Variants in ZNG1A observed in about 807,000 individuals in gnomAD.
The protein encoded by ZNG1A is zinc-regulated GTPase metalloprotein activator 1A.
the ZNG1A span, chr9:162,515 ATT>A: frequency 6.3e-7 from 1 of 1,575,878 alleles, no homozygotes. Flanking sequence ...AAGAATGTTT[ATT>A]AATATTTGTA....
the ZNG1A span, among the ~76,000 whole-genome samples, chr9:126,460 C>A: frequency 6.6e-6 from 1 of 151,238 alleles, no homozygotes; most frequent in South Asian, 2.1e-4. Flanking sequence ...CCAGGAATTT[C>A]TCCATCTATT....
At chr9:140,916 C>T in the ZNG1A span, among the ~76,000 whole-genome samples, 43 of 138,602 alleles carry the variant, frequency 3.1e-4, no homozygotes, top group South Asian at 7.7e-4. Context: ...GGAGCCGATG[C>T]GATCAACTGG....
At chr9:140,262 T>C in the ZNG1A span, among the ~76,000 whole-genome samples, 1 of 151,932 alleles carries the variant, frequency 6.6e-6, no homozygotes, top group African/African-American at 2.4e-5. Flanking sequence ...TAAGTGTCCC[T>C]GTCTGACAGC....
chr9:165,869 C>G, the ZNG1A span: 1 of 94,228 alleles, frequency 1.1e-5, no homozygotes, highest in Non-Finnish European at 2.0e-5. Context: ...ATTTTGAAGA[C>G]TGATAGTCAA....
the ZNG1A span, among the ~76,000 whole-genome samples, chr9:157,375 C>A: frequency 1.5e-5 from 2 of 136,664 alleles, no homozygotes; most frequent in Non-Finnish European, 3.1e-5. Context: ...ACACTTTTAC[C>A]CTCATTACCT....
At chr9:120,870 A>T in the ZNG1A span, among the ~76,000 whole-genome samples, 1 of 152,206 alleles carries the variant, frequency 6.6e-6, no homozygotes, top group Non-Finnish European at 1.5e-5. Context: ...AATCATGTAG[A>T]CCACTCCCAA....
the ZNG1A span, chr9:172,346 A>G: frequency 2.2e-4 from 151 of 679,138 alleles, no homozygotes; most frequent in Admixed American, 3.6e-4. Context: ...TACCAGTGAG[A>G]AAACAATAGA....
the ZNG1A span, among the ~76,000 whole-genome samples, chr9:133,330 C>T: frequency 9.5e-6 from 1 of 105,048 alleles, no homozygotes; most frequent in Non-Finnish European, 1.9e-5. Flanking sequence ...TATAGATATG[C>T]CCTATTTAGT....
At chr9:177,898 A>G in the ZNG1A span, 12 of 1,520,388 alleles carry the variant, frequency 7.9e-6, 1 homozygote, top group South Asian at 8.7e-5. Context: ...TACAGTCTAC[A>G]AAGTTTTTAA....
chr9:132,012 C>T, the ZNG1A span, among the ~76,000 whole-genome samples: 9 of 90,066 alleles, frequency 1.0e-4, no homozygotes, highest in Non-Finnish European at 1.7e-4. Context: ...TACTTCTTCC[C>T]GTCAAAAAAA....
At chr9:141,537 G>A in the ZNG1A span, among the ~76,000 whole-genome samples, 1 of 149,814 alleles carries the variant, frequency 6.7e-6, no homozygotes, top group Non-Finnish European at 1.5e-5. Context: ...AGCTCCTGAA[G>A]GAAGCACTAA....
chr9:166,982 A>C, the ZNG1A span: 1 of 152,292 alleles, frequency 6.6e-6, no homozygotes, highest in East Asian at 1.9e-4. Flanking sequence ...ATGTTCTTAG[A>C]AGAACTAAGG....
the ZNG1A span, among the ~76,000 whole-genome samples, chr9:139,347 T>C: frequency 6.7e-6 from 1 of 149,218 alleles, no homozygotes; most frequent in Non-Finnish European, 1.5e-5. Flanking sequence ...GAATGGTGGA[T>C]GCCAGGGGCT....
chr9:121,354 CATTTT>C, the ZNG1A span: 1 of 744,500 alleles, frequency 1.3e-6, no homozygotes, highest in Non-Finnish European at 2.3e-6. Flanking sequence ...AAACAAATAC[CATTTT>C]AAAGTATATT....
At chr9:125,859 G>C in the ZNG1A span, among the ~76,000 whole-genome samples, 3 of 50,134 alleles carry the variant, frequency 6.0e-5, 1 homozygote, top group African/African-American at 2.6e-4. Flanking sequence ...TTGGCTGTAA[G>C]TATTTATTTC....
the ZNG1A span, chr9:160,061 C>T: frequency 2.2e-6 from 1 of 454,600 alleles, no homozygotes; most frequent in East Asian, 6.9e-5. Context: ...ATTTGTGGAA[C>T]TGAAAAGAAC....
chr9:141,880 G>A, the ZNG1A span, among the ~76,000 whole-genome samples: 3 of 152,090 alleles, frequency 2.0e-5, no homozygotes, highest in South Asian at 2.1e-4. Flanking sequence ...AAACAAGGCA[G>A]GGGTTGCAAT....
chr9:156,141 T>A, the ZNG1A span, among the ~76,000 whole-genome samples: 40 of 82,324 alleles, frequency 4.9e-4, no homozygotes, highest in Middle Eastern at 5.2e-3. Context: ...TAATAATTAT[T>A]ATTATTATTA....
At chr9:176,498 C>G in the ZNG1A span, among the ~76,000 whole-genome samples, 1 of 151,448 alleles carries the variant, frequency 6.6e-6, no homozygotes, top group Middle Eastern at 3.4e-3. Context: ...TTCTGAAATA[C>G]ATTAAGTTTT....
Sources: gnomAD v4.1 joint callset for allele counts (sites outside exome capture counted in the v4.1 genomes callset) on GRCh38, gnomAD v4.1.1 for gene constraint, MANE v1.5 for transcripts, NCBI Gene and HGNC (gene_info 2026-07-23, HGNC 2026-07-21) for gene names.